Variants in TBCD observed in about 807,000 individuals in gnomAD.
The protein encoded by TBCD is tubulin folding cofactor D, also known as tubulin-specific chaperone D.
A neutral mutation model predicts 169.3 loss-of-function variants in TBCD; 105 were observed. The ratio of observed to expected loss-of-function variants is 0.62; its 90% CI spans 0.53 to 0.73. The LOEUF (loss-of-function observed/expected upper bound fraction) is 0.73, where lower values mean the gene tolerates loss of function less well. Among genes scored for constraint, TBCD ranks in the 30% least tolerant of loss-of-function variants. TBCD has a pLI of 0.00. For synonymous variants in TBCD, 700 were observed against 643.9 expected (o/e 1.09, Z -1.32); for missense variants, 1,444 against 1,600.1 (o/e 0.90, Z 1.66).
intron 14 of TBCD, among the ~76,000 whole-genome samples, chr17:82,872,173 G>A (rs1224924443): frequency 6.6e-6 from 1 of 152,192 alleles, no homozygotes; most frequent in African/African-American, 2.4e-5. Flanking sequence ...TCCTATCCAG[G>A]GAGACCGTGT....
intron 33 of TBCD, among the ~76,000 whole-genome samples, chr17:82,931,576 A>G (rs985397216): frequency 6.6e-6 from 1 of 152,162 alleles, no homozygotes; most frequent in Non-Finnish European, 1.5e-5. Flanking sequence ...GAGGCACCAC[A>G]GTGCATCTGT....
chr17:82,902,462 G>A (rs1263379865), intron 18 of TBCD, among the ~76,000 whole-genome samples: 1 of 152,228 alleles, frequency 6.6e-6, no homozygotes, highest in Non-Finnish European at 1.5e-5. Context: ...CCTCAGAGTT[G>A]CAGGCGATGG....
In TBCD at chr17:82,831,884, C is replaced by G. The variant is rs1057351778; in HGVS notation, c.1318+16950C>G. On this transcript the variant is annotated intron_variant, in intron 13 of 38. Transcript: ENST00000355528. The surrounding 1 kb of genome is among the most constrained non-coding windows in gnomAD (Gnocchi z 4.6). ...GCCGACTTGGTGTGGAAAGACACGG[C>G]CTTGGCAGTGGGGTTGTGTAAAGCC... 1.2e-5 allele frequency: 19 copies of G among 1,614,020 alleles called. No homozygotes were observed. Among genetic ancestry groups the G allele is most frequent in the Admixed American group, 5.0e-5 (3 of 60,004 alleles).
chr17:82,820,926 C>G (rs2052365723), intron 13 of TBCD, among the ~76,000 whole-genome samples: 1 of 152,052 alleles, frequency 6.6e-6, no homozygotes, highest in Admixed American at 6.6e-5. Context: ...CTGTTGAGTC[C>G]TCAGTTCCAG....
rs184501180 is a variant in TBCD, at chr17:82,933,081, C to T, written c.3191+346C>T. Among the ~76,000 whole-genome samples, 598 of 151,938 alleles carry T rather than the reference C, an allele frequency of 3.9e-3. 1 individual carries two copies. The highest frequency in any genetic ancestry group is 0.014 in the Middle Eastern group (4 of 294). Reference sequence around the variant, plus strand: ...AGGGCCTGAAGGGGCCTCGGCTGTACGGGGATGAGACTCGCAGGGGAGAGG... The same window carrying T: ...AGGGCCTGAAGGGGCCTCGGCTGTATGGGGATGAGACTCGCAGGGGAGAGG... On this transcript the variant is annotated intron_variant, in intron 34 of 38. Transcript: ENST00000355528.
rs1350148638 is a variant in TBCD at position 82,771,930 on chromosome 17, AAAAAAC to A, written c.583-504_583-499del. 4.3e-4 allele frequency among the ~76,000 whole-genome samples: 66 copies of A among 152,252 alleles called. 1 individual carries two copies. The highest frequency in any genetic ancestry group is 1.2e-3 in the African/African-American group (48 of 41,564). The stretch of plus-strand genomic sequence containing the variant: ...CAGAGCAAGACTCCGTCTCAAAAAA[AAAAAAC>A]AAAAACAAAAACAAAAAATATATAC... On this transcript the variant is annotated intron_variant, in intron 5 of 38. Coordinates refer to ENST00000355528, the MANE Select transcript of TBCD (RefSeq NM_005993.5).
At chr17:82,896,727 A>T (rs965690330) in intron 17 of TBCD, among the ~76,000 whole-genome samples, 1 of 152,032 alleles carries the variant, frequency 6.6e-6, no homozygotes, top group South Asian at 2.1e-4. Flanking sequence ...GCCTCCCAAA[A>T]TGCTGGCCTT....
chr17:82,905,908 C>G (rs372148302), intron 19 of TBCD, 28 bp from the exon 20 acceptor site: 30 of 1,574,084 alleles, frequency 1.9e-5, no homozygotes, highest in Non-Finnish European at 2.1e-5. Flanking sequence ...CACACCCTCA[C>G]CTGCCCTCTC....
chr17:82,824,215 T>G (rs2145113383), intron 13 of TBCD, among the ~76,000 whole-genome samples: 1 of 152,222 alleles, frequency 6.6e-6, no homozygotes, highest in Admixed American at 6.5e-5. Flanking sequence ...AGAGTCTTGC[T>G]CTATCACCCA....
At chr17:82,933,310 T>C (rs1317297177) in intron 34 of TBCD, among the ~76,000 whole-genome samples, 4 of 141,446 alleles carry the variant, frequency 2.8e-5, no homozygotes, top group South Asian at 2.3e-4. Flanking sequence ...GGTCTAGCTC[T>C]GTTTCCCAGG....
intron 13 of TBCD, among the ~76,000 whole-genome samples, chr17:82,846,916 C>A (rs531198576): frequency 4.3e-4 from 64 of 150,008 alleles, no homozygotes; most frequent in African/African-American, 1.4e-3. Context: ...GCTAACATGG[C>A]CAAGCCCAGC....
At chr17:82,936,469 GTTTC>G (rs1293337139) in intron 34 of TBCD, among the ~76,000 whole-genome samples, 5 of 152,186 alleles carry the variant, frequency 3.3e-5, no homozygotes, top group South Asian at 2.1e-4. Context: ...ACCTGAGCGG[GTTTC>G]TTTGTCTTCT....
intron 14 of TBCD, among the ~76,000 whole-genome samples, chr17:82,873,646 G>A (rs762000918): frequency 6.6e-6 from 1 of 152,222 alleles, no homozygotes; most frequent in African/African-American, 2.4e-5. Flanking sequence ...CTTTGGCAAC[G>A]TTAGATGTCA....
At position 82,930,082 on chromosome 17, in the gene TBCD, C is replaced by G; in HGVS notation, c.2992-440C>G. 1 of 251,444 alleles carries G rather than the reference C, an allele frequency of 4.0e-6. No homozygotes were observed. Among genetic ancestry groups the G allele is most frequent in the Non-Finnish European group, 7.8e-6 (1 of 128,334 alleles). The allele number at this position is 251,444 out of a possible 1,614,324, so 15.6% of individuals were successfully genotyped here. On this transcript the variant is annotated intron_variant, in intron 32 of 38. Transcript: ENST00000355528. This position sits in a 1 kb window ranked among gnomAD's most constrained non-coding sequence, Gnocchi z 5.2. ...GCCCTCTGCGCCGTGTGGGCGCGTG[C>G]GGGGAGACCCGGGCCCCAGGACGTG... is the stretch of plus-strand genomic sequence containing the variant.
chr17:82,817,497 A>G (rs2052021423), intron 13 of TBCD, among the ~76,000 whole-genome samples: 1 of 152,076 alleles, frequency 6.6e-6, no homozygotes, highest in African/African-American at 2.4e-5. Context: ...GGGTTTTCCC[A>G]TGTTGTCCGG....
intron 14 of TBCD, among the ~76,000 whole-genome samples, chr17:82,871,811 G>T (rs890874488): frequency 6.6e-6 from 1 of 152,348 alleles, no homozygotes; most frequent in East Asian, 1.9e-4. Context: ...CTTTGATCTC[G>T]TGGGGCTTCG....
chr17:82,859,100 C>T (rs561955078), intron 13 of TBCD, among the ~76,000 whole-genome samples: 104 of 150,410 alleles, frequency 6.9e-4, no homozygotes, highest in Non-Finnish European at 1.3e-3. Context: ...AAGAGAGTCT[C>T]GTGGGTCATC....
At chr17:82,766,706 G>A (rs530553395) in intron 4 of TBCD, among the ~76,000 whole-genome samples, 20 of 152,172 alleles carry the variant, frequency 1.3e-4, no homozygotes, top group African/African-American at 4.3e-4. Context: ...CTTCCTGAGC[G>A]GGACTCACAG....
At chr17:82,879,937 C>T (rs1209010893) in intron 14 of TBCD, among the ~76,000 whole-genome samples, 2 of 151,868 alleles carry the variant, frequency 1.3e-5, no homozygotes, top group Non-Finnish European at 2.9e-5. Context: ...CGGTCACAGG[C>T]CTACCTGTCT....
Sources: allele counts gnomAD v4.1 joint callset (sites outside exome capture counted in the v4.1 genomes callset), GRCh38; gene constraint gnomAD v4.1.1; non-coding constraint Gnocchi (gnomAD v3.1); transcripts MANE v1.5; gene names NCBI Gene and HGNC (gene_info 2026-07-23, HGNC 2026-07-21).